The following MCPH1 variants were observed in gnomAD, a reference collection of about 807,000 sequenced individuals.
MCPH1 encodes microcephalin.
In MCPH1, 104 loss-of-function variants were observed where a neutral mutation model predicts 84.5. The ratio of observed to expected loss-of-function variants is 1.23; its 90% CI spans 1.05 to 1.45. MCPH1 has a LOEUF of 1.45. Among genes scored for constraint, MCPH1 ranks in the 40% most tolerant of loss-of-function variants. The probability of loss-of-function intolerance (pLI) is 0.00; values close to 1 mark genes in which losing one functional copy is unlikely to be tolerated. For missense variants in MCPH1, 1,498 were observed against 1,005.7 expected, an observed-to-expected ratio of 1.49 and a Z score of -6.62; for synonymous variants, 514 against 366.8, an observed-to-expected ratio of 1.40 and a Z score of -4.58.
chr8:6,465,672 G>A (rs1319675953), intron 9 of MCPH1, among the ~76,000 whole-genome samples: 1 of 152,150 alleles, frequency 6.6e-6, no homozygotes. Flanking sequence ...AACAAGGAAG[G>A]GCGGAGGGCG....
At chr8:6,641,754 A>G (rs1797950593) in intron 13 of MCPH1, among the ~76,000 whole-genome samples, 1 of 152,240 alleles carries the variant, frequency 6.6e-6, no homozygotes, top group Non-Finnish European at 1.5e-5. Context: ...AAAAAAAGAA[A>G]AAATATGTAA....
At chr8:6,443,353 A>T (rs1803792885) in intron 7 of MCPH1, among the ~76,000 whole-genome samples, 1 of 152,254 alleles carries the variant, frequency 6.6e-6, no homozygotes, top group African/African-American at 2.4e-5. Flanking sequence ...TGAGCATCTA[A>T]AATTAAAAGT....
chr8:6,423,561 G>C (rs1463627724), intron 3 of MCPH1, among the ~76,000 whole-genome samples: 2 of 152,118 alleles, frequency 1.3e-5, no homozygotes, highest in African/African-American at 4.8e-5. Flanking sequence ...TGTAGTAGCT[G>C]TCCAGTAATT....
At position 6,580,170 on chromosome 8, in the gene MCPH1, C is replaced by G. The variant is rs530243366; in HGVS notation, c.2215-41284C>G. Among the ~76,000 whole-genome samples the G allele has an allele frequency of 7.2e-5, 11 of 152,258 alleles. No homozygotes were observed. In the South Asian group the frequency reaches 2.3e-3, roughly 32 times the overall value. ...CTCTGTGTCCACCAAGGTTCTTGGG[C>G]TGGGGAATGGTCTGAGCATATGACG... On this transcript the variant is annotated intron_variant, in intron 12 of 13. Transcript: ENST00000344683.
chr8:6,637,827 G>A (rs540690122), intron 13 of MCPH1, among the ~76,000 whole-genome samples: 1 of 152,138 alleles, frequency 6.6e-6, no homozygotes, highest in Non-Finnish European at 1.5e-5. Context: ...CAGGTGATTA[G>A]TGATGGGGGT....
At chr8:6,608,857 T>G (rs1287983942) in intron 12 of MCPH1, among the ~76,000 whole-genome samples, 2 of 152,190 alleles carry the variant, frequency 1.3e-5, no homozygotes, top group Non-Finnish European at 2.9e-5. Context: ...CACTAATGCC[T>G]AGGCCTCACC....
chr8:6,537,332 C>T (rs1201457361), intron 12 of MCPH1, among the ~76,000 whole-genome samples: 3 of 151,984 alleles, frequency 2.0e-5, no homozygotes, highest in Non-Finnish European at 4.4e-5. Context: ...TTGACACAGT[C>T]GGCAAAGTGT....
intron 12 of MCPH1, among the ~76,000 whole-genome samples, chr8:6,581,757 T>C (rs1423232809): frequency 6.6e-6 from 1 of 152,176 alleles, no homozygotes; most frequent in Non-Finnish European, 1.5e-5. Flanking sequence ...AAACTGGGTG[T>C]CTTATAAACG....
chr8:6,570,813 T>G (rs919086545), intron 12 of MCPH1, among the ~76,000 whole-genome samples: 48 of 150,596 alleles, frequency 3.2e-4, no homozygotes, highest in Admixed American at 2.4e-3. Context: ...GTTTTTTTTT[T>G]TTTTTTTTTT....
At chr8:6,490,562 C>T (rs988535262) in intron 11 of MCPH1, among the ~76,000 whole-genome samples, 1 of 152,140 alleles carries the variant, frequency 6.6e-6, no homozygotes, top group Admixed American at 6.5e-5. Flanking sequence ...GTAAGAAATA[C>T]TAGATTTTAG....
intron 12 of MCPH1, among the ~76,000 whole-genome samples, chr8:6,585,459 G>A (rs1827898457): frequency 6.6e-6 from 1 of 152,244 alleles, no homozygotes; most frequent in Non-Finnish European, 1.5e-5. Flanking sequence ...CTTTTCCCGG[G>A]TGCACCATTG....
chr8:6,461,874 A>AT (rs965290903), intron 9 of MCPH1, among the ~76,000 whole-genome samples: 11 of 151,950 alleles, frequency 7.2e-5, no homozygotes, highest in East Asian at 3.9e-4. Flanking sequence ...CACGAATGTA[A>AT]TTTTTTTTTC....
At chr8:6,483,647 G>T (rs1275989583) in intron 11 of MCPH1, among the ~76,000 whole-genome samples, 1 of 152,162 alleles carries the variant, frequency 6.6e-6, no homozygotes, top group Non-Finnish European at 1.5e-5. Context: ...ATCACCTGAG[G>T]TCAGGAATTG....
intron 13 of MCPH1, chr8:6,622,139 C>T: frequency 7.4e-6 from 2 of 269,592 alleles, no homozygotes; most frequent in Non-Finnish European, 1.5e-5. Flanking sequence ...ATCACTCCGT[C>T]TGCTCATGTG....
At chr8:6,517,062 T>C (rs996159095) in intron 12 of MCPH1, among the ~76,000 whole-genome samples, 5 of 152,184 alleles carry the variant, frequency 3.3e-5, no homozygotes, top group Admixed American at 6.5e-5. Flanking sequence ...AATTGGACTA[T>C]AAAACTTGCA....
At chr8:6,588,828 G>A (rs1828211096) in intron 12 of MCPH1, among the ~76,000 whole-genome samples, 1 of 152,256 alleles carries the variant, frequency 6.6e-6, no homozygotes, top group African/African-American at 2.4e-5. Context: ...GGTCACTGCA[G>A]TGTCTGCCAG....
intron 8 of MCPH1, among the ~76,000 whole-genome samples, chr8:6,454,472 G>A (rs1177146772): frequency 6.6e-6 from 1 of 152,208 alleles, no homozygotes; most frequent in Non-Finnish European, 1.5e-5. Context: ...TTTGAAGGAG[G>A]AGGAAGGGTG....
chr8:6,611,718 T>A lies in MCPH1; in HGVS notation c.2215-9736T>A, dbSNP rs564910981. Among the ~76,000 whole-genome samples, 385 of 152,294 alleles carry A rather than the reference T, an allele frequency of 2.5e-3. 4 individuals carry two copies. The highest frequency in any genetic ancestry group is 9.5e-3 in the Admixed American group (146 of 15,300). On this transcript the variant is annotated intron_variant, in intron 12 of 13. Coordinates refer to ENST00000344683, the MANE Select transcript of MCPH1 (RefSeq NM_024596.5). ...CCTGCAAGCTCCGCCTCCCGGGTTC[T>A]CGCCATTCTCCTGCCTCAGCCTCCC...
At chr8:6,411,353 G>T (rs1190736737) in intron 2 of MCPH1, among the ~76,000 whole-genome samples, 2 of 152,126 alleles carry the variant, frequency 1.3e-5, no homozygotes, top group East Asian at 1.9e-4. Context: ...CAGCTATATA[G>T]AAATAAATAA....
Sources: allele counts gnomAD v4.1 joint callset (sites outside exome capture counted in the v4.1 genomes callset), GRCh38; gene constraint gnomAD v4.1.1; transcripts MANE v1.5; gene names NCBI Gene and HGNC (gene_info 2026-07-23, HGNC 2026-07-21).